SOX5: variants seen among roughly 807,000 people sequenced by gnomAD.
SOX5 encodes the protein SRY-box transcription factor 5.
Under a neutral mutation model 92.0 loss-of-function variants are expected in SOX5, and 9 were observed. The ratio of observed to expected loss-of-function variants is 0.10; its 90% CI spans 0.06 to 0.17. The LOEUF (loss-of-function observed/expected upper bound fraction) is 0.17, where lower values mean the gene tolerates loss of function less well. SOX5 is among the 10% of genes least tolerant of loss of function. The pLI is 1.00. For missense variants in SOX5, 642 were observed against 944.5 expected (o/e 0.68, Z 4.20); for synonymous variants, 344 against 336.3 (o/e 1.02, Z -0.25).
intron 1 of SOX5, among the ~76,000 whole-genome samples, chr12:24,494,565 G>A (rs931377774): frequency 6.6e-6 from 1 of 152,098 alleles, no homozygotes; most frequent in African/African-American, 2.4e-5. Context: ...GAATTCCAAC[G>A]AGCATTCAAC....
At chr12:23,617,294 AATT>A (rs1327775457) in intron 8 of SOX5, among the ~76,000 whole-genome samples, 1 of 152,086 alleles carries the variant, frequency 6.6e-6, no homozygotes, top group African/African-American at 2.4e-5. Flanking sequence ...CCAAGGCATA[AATT>A]ATTATTATGA....
At chr12:24,424,536 T>TG (rs2136968527) in intron 1 of SOX5, among the ~76,000 whole-genome samples, 1 of 152,212 alleles carries the variant, frequency 6.6e-6, no homozygotes, top group South Asian at 2.1e-4. Flanking sequence ...ACCAACAGCT[T>TG]GGGGGCACTT....
intron 4 of SOX5, among the ~76,000 whole-genome samples, chr12:23,961,632 C>G (rs1946944780): frequency 6.6e-6 from 1 of 152,198 alleles, no homozygotes; most frequent in Non-Finnish European, 1.5e-5. Context: ...ACCTGTCACT[C>G]TTCTTCTGTA....
At chr12:23,885,897 A>AT (rs2097059127) in intron 2 of SOX5, among the ~76,000 whole-genome samples, 4 of 146,910 alleles carry the variant, frequency 2.7e-5, no homozygotes, top group African/African-American at 9.9e-5. Context: ...AAAAAAAAAA[A>AT]GATCAAAATG....
intron 10 of SOX5, among the ~76,000 whole-genome samples, chr12:23,575,181 T>A (rs1948926124): frequency 6.6e-6 from 1 of 152,222 alleles, no homozygotes. Flanking sequence ...CTATCCACTC[T>A]TTATAATACT....
At chr12:23,816,207 CTTTTTT>C (rs11347313) in intron 3 of SOX5, among the ~76,000 whole-genome samples, 1 of 129,648 alleles carries the variant, frequency 7.7e-6, no homozygotes. Context: ...GACAAGATTT[CTTTTTT>C]TTTTTTTTTT....
intron 7 of SOX5, among the ~76,000 whole-genome samples, chr12:23,653,030 AGATGGATGGATGGATGGATGGATGGATG>A (rs377588371): frequency 6.9e-5 from 8 of 115,762 alleles, no homozygotes; most frequent in Non-Finnish European, 1.3e-4. Flanking sequence ...ATGTACAGAT[AGATGGATGGATGGATGGATGGATGGATG>A]GATGGATGGA....
chr12:23,839,093 C>T (rs2096478990), intron 3 of SOX5, among the ~76,000 whole-genome samples: 1 of 151,732 alleles, frequency 6.6e-6, no homozygotes, highest in Non-Finnish European at 1.5e-5. Flanking sequence ...AGGTGATCTG[C>T]CCGCCTTGGC....
chr12:24,294,375 C>T (rs971469124), intron 2 of SOX5, among the ~76,000 whole-genome samples: 5 of 151,944 alleles, frequency 3.3e-5, no homozygotes, highest in Admixed American at 1.3e-4. Context: ...TACCAGATTT[C>T]GGTCTCAGTA....
intron 4 of SOX5, among the ~76,000 whole-genome samples, chr12:23,964,897 G>A (rs1350068321): frequency 6.6e-6 from 1 of 152,184 alleles, no homozygotes; most frequent in Non-Finnish European, 1.5e-5. Flanking sequence ...ATATCAAAAA[G>A]TTGATGGGCT....
At chr12:24,508,385 A>G (rs1948999583) in intron 1 of SOX5, among the ~76,000 whole-genome samples, 1 of 152,182 alleles carries the variant, frequency 6.6e-6, no homozygotes, top group Non-Finnish European at 1.5e-5. Context: ...AATAAGAATC[A>G]AAGCTGGCTT....
chr12:23,805,450 C>T (rs916145467), intron 3 of SOX5, among the ~76,000 whole-genome samples: 1 of 151,948 alleles, frequency 6.6e-6, no homozygotes, highest in Admixed American at 6.6e-5. Context: ...AACATATGCT[C>T]AATAAATGTT....
At chr12:24,414,149 C>T (rs1964603513) in intron 1 of SOX5, among the ~76,000 whole-genome samples, 1 of 152,058 alleles carries the variant, frequency 6.6e-6, no homozygotes, top group Admixed American at 6.5e-5. Flanking sequence ...GGGCTCAAAT[C>T]CATTAATTTT....
chr12:24,270,744 T>C (rs1168459543), intron 3 of SOX5, among the ~76,000 whole-genome samples: 1 of 152,208 alleles, frequency 6.6e-6, no homozygotes, highest in African/African-American at 2.4e-5. Flanking sequence ...TCTTTAGTCT[T>C]CCTATCTACA....
intron 4 of SOX5, among the ~76,000 whole-genome samples, chr12:24,021,186 G>A (rs1954242028): frequency 6.6e-6 from 1 of 152,134 alleles, no homozygotes; most frequent in East Asian, 1.9e-4. Context: ...TACAGTCCAG[G>A]AGATTTCAGA....
intron 2 of SOX5, among the ~76,000 whole-genome samples, chr12:23,850,309 A>G (rs577549394): frequency 7.7e-4 from 117 of 151,856 alleles, no homozygotes; most frequent in Non-Finnish European, 1.5e-3. Context: ...CGCACCTGTA[A>G]TCCCGGCTAC....
chr12:23,643,952 C>T (rs1429934531), intron 7 of SOX5, among the ~76,000 whole-genome samples: 1 of 152,140 alleles, frequency 6.6e-6, no homozygotes, highest in East Asian at 1.9e-4. Flanking sequence ...CACCCTAAAG[C>T]TACTGTGCAG....
At chr12:24,099,230 G>C (rs191118605) in intron 4 of SOX5, among the ~76,000 whole-genome samples, 1 of 152,124 alleles carries the variant, frequency 6.6e-6, no homozygotes, top group Non-Finnish European at 1.5e-5. Context: ...CCTCAAGATT[G>C]CTCTCTTGGA....
intron 1 of SOX5, among the ~76,000 whole-genome samples, chr12:24,529,494 C>T (rs540668821): frequency 6.6e-6 from 1 of 152,144 alleles, no homozygotes; most frequent in Non-Finnish European, 1.5e-5. Context: ...CACATCATCC[C>T]ACAGGCCTGA....
Sources: gnomAD v4.1 joint callset for allele counts (sites outside exome capture counted in the v4.1 genomes callset) on GRCh38, gnomAD v4.1.1 for gene constraint, MANE v1.5 for transcripts, NCBI Gene and HGNC (gene_info 2026-07-23, HGNC 2026-07-21) for gene names.